The following ADAP2 variants were observed in gnomAD, a reference collection of about 807,000 sequenced individuals.
ADAP2 encodes the protein arf-GAP with dual PH domain-containing protein 2.
Under a neutral mutation model 54.9 loss-of-function variants are expected in ADAP2, and 42 were observed. The ratio of observed to expected loss-of-function variants is 0.77; its 90% CI spans 0.60 to 0.99. The LOEUF (loss-of-function observed/expected upper bound fraction) is 0.99, where lower values mean the gene tolerates loss of function less well. ADAP2 is among the 50% of genes least tolerant of loss of function. ADAP2 has a pLI of 0.00. For missense variants in ADAP2, 429 were observed against 480.4 expected (o/e 0.89, Z 1.00); for synonymous variants, 177 against 180.1 (o/e 0.98, Z 0.14).
chr17:30,956,075 G>C (rs537590450), intron 9 of ADAP2, among the ~76,000 whole-genome samples, 166 bp from the exon 10 acceptor site: 1 of 152,220 alleles, frequency 6.6e-6, no homozygotes, highest in East Asian at 1.9e-4. Context: ...TGATGTGTAT[G>C]ATTTATTTTA....
chr17:30,923,542 G>A (rs1472982958), intron 2 of ADAP2, among the ~76,000 whole-genome samples: 1 of 151,502 alleles, frequency 6.6e-6, no homozygotes, highest in Non-Finnish European at 1.5e-5. Context: ...GGGATTACAG[G>A]CCTGAACCAT....
In ADAP2 at chr17:30,956,388, C is replaced by T. The variant is rs1598060977; in HGVS notation, c.1030C>T (p.Pro344Ser). ...TPERRFVLTC[P>S]SEKEQQEWLE... Reference sequence around the variant, plus strand: ...AGAGCGGAGATTTGTCCTCACTTGCCCCAGTGAGAAGGAACAGCAGGAATG... The same window carrying T: ...AGAGCGGAGATTTGTCCTCACTTGCTCCAGTGAGAAGGAACAGCAGGAATG... The change falls in exon 10 of 11, where the codon CCC (proline) becomes TCC (serine). Residue 344 changes from proline to serine, a missense_variant. Transcript: ENST00000330889. 1.2e-6 allele frequency: 2 copies of T among 1,614,194 alleles called. No homozygotes were observed. The highest frequency in any genetic ancestry group is 2.2e-5 in the East Asian group (1 of 44,880).
intron 3 of ADAP2, among the ~76,000 whole-genome samples, chr17:30,931,188 A>G (rs988973002): frequency 3.3e-5 from 5 of 151,390 alleles, no homozygotes; most frequent in African/African-American, 1.2e-4. Context: ...GGTCCAGAGG[A>G]GCCAGTATCT....
chr17:30,931,210 C>T (rs538610145), intron 3 of ADAP2, among the ~76,000 whole-genome samples: 84 of 152,166 alleles, frequency 5.5e-4, no homozygotes, highest in African/African-American at 2.0e-3. Context: ...TCTCATTGAC[C>T]TAGAGAGCTG....
intron 5 of ADAP2, among the ~76,000 whole-genome samples, chr17:30,942,126 G>A (rs1024721295): frequency 1.3e-5 from 2 of 152,040 alleles, no homozygotes; most frequent in African/African-American, 2.4e-5. Flanking sequence ...GGATGGTCTC[G>A]ATCTCTCAAC....
intron 6 of ADAP2, among the ~76,000 whole-genome samples, chr17:30,948,378 C>T (rs1039143141): frequency 8.7e-5 from 13 of 150,126 alleles, no homozygotes; most frequent in Middle Eastern, 3.2e-3. Flanking sequence ...TCCTGGCTAA[C>T]GTGGTGAAAC....
intron 5 of ADAP2, among the ~76,000 whole-genome samples, chr17:30,939,750 G>A (rs1202570166): frequency 3.2e-5 from 4 of 124,012 alleles, no homozygotes; most frequent in Admixed American, 9.1e-5. Context: ...CAGCCTGGGC[G>A]AAAGAGCAAA....
chr17:30,924,039 A>T (rs1414593369), intron 2 of ADAP2, among the ~76,000 whole-genome samples: 1 of 151,966 alleles, frequency 6.6e-6, no homozygotes, highest in Non-Finnish European at 1.5e-5. Flanking sequence ...TGTGAAGATG[A>T]TTGTAGGCTC....
At chr17:30,925,252 C>T (rs1236029671) in intron 2 of ADAP2, among the ~76,000 whole-genome samples, 18 of 147,284 alleles carry the variant, frequency 1.2e-4, no homozygotes, top group Non-Finnish European at 2.4e-4. Context: ...GTGAGTGGCA[C>T]GATCTCGGCT....
At chr17:30,924,859 C>G (rs150611294) in intron 2 of ADAP2, among the ~76,000 whole-genome samples, 8 of 149,314 alleles carry the variant, frequency 5.4e-5, no homozygotes, top group African/African-American at 1.8e-4. Context: ...GTTATATTTT[C>G]TTTTTTGTTT....
intron 6 of ADAP2, 143 bp downstream of exon 6, chr17:30,945,196 T>A: frequency 1.0e-6 from 1 of 974,130 alleles, no homozygotes; most frequent in Non-Finnish European, 1.5e-6. Flanking sequence ...AATCTATCAT[T>A]GCCTCCCAGT....
chr17:30,924,055 A>C (rs559765443), intron 2 of ADAP2, among the ~76,000 whole-genome samples: 73 of 152,254 alleles, frequency 4.8e-4, no homozygotes, highest in Middle Eastern at 3.4e-3. Context: ...GGCTCAGTCC[A>C]GACACAAAGA....
At position 30,953,279 on chromosome 17, in the gene ADAP2, C is replaced by T; in HGVS notation, c.742-9C>T. On this transcript the variant is annotated splice_polypyrimidine_tract_variant and intron_variant, in intron 7 of 10. Coordinates refer to ENST00000330889, the MANE Select transcript of ADAP2 (RefSeq NM_018404.3). ...GAGTTGGGGGTCAGTGTCTGTCTCTCTTCCCCAGCTCGTGCCATTCCTCAC... is the reference window on the plus strand; with the variant it reads ...GAGTTGGGGGTCAGTGTCTGTCTCTTTTCCCCAGCTCGTGCCATTCCTCAC... The T allele has an allele frequency of 1.2e-6, 2 of 1,614,052 alleles. No individual in the cohort carries two copies. The highest frequency in any genetic ancestry group is 1.7e-5 in the Admixed American group (1 of 60,002).
chr17:30,949,454 G>A (rs1451536902), intron 7 of ADAP2, 84 bp downstream of exon 7: 15 of 1,334,934 alleles, frequency 1.1e-5, no homozygotes, highest in Non-Finnish European at 1.5e-5. Context: ...AAGACACTCA[G>A]AAGCCAGACT....
At chr17:30,945,111 T>G (rs987587161) in intron 6 of ADAP2, 58 bp downstream of exon 6, 10 of 1,586,338 alleles carry the variant, frequency 6.3e-6, no homozygotes, top group African/African-American at 1.3e-5. Context: ...ACTTGGCAGG[T>G]GCAGCTCACC....
chr17:30,922,951 G>T lies in ADAP2; in HGVS notation c.106G>T (p.Ala36Ser), dbSNP rs150091453. The T allele has an allele frequency of 1.2e-6, 2 of 1,613,764 alleles. No individual in the cohort carries two copies. Among genetic ancestry groups the T allele is most frequent in the East Asian group, 4.5e-5 (2 of 44,860 alleles). ...CTCATCCCCTGCAGATCCCGACTGGGCCTCTTACAAGCTGGGGATCTTCAT... is the reference window on the plus strand; with the variant it reads ...CTCATCCCCTGCAGATCCCGACTGGTCCTCTTACAAGCTGGGGATCTTCAT... Reference protein sequence around the residue: ...ADCGAADPDWASYKLGIFICL... With the variant: ...ADCGAADPDWSSYKLGIFICL... The change falls in exon 2 of 11, where the codon GCC (alanine) becomes TCC (serine). Residue 36 changes from alanine to serine, a missense_variant. By Grantham distance (99) the Ala-to-Ser change is moderately conservative (BLOSUM62 1). Transcript: ENST00000330889.
At chr17:30,941,583 C>T (rs572582765) in intron 5 of ADAP2, among the ~76,000 whole-genome samples, 1 of 152,202 alleles carries the variant, frequency 6.6e-6, no homozygotes, top group Non-Finnish European at 1.5e-5. Context: ...CCCACTCAGA[C>T]ATGTTATAAC....
chr17:30,934,239 G>C lies in ADAP2; in HGVS notation c.452G>C (p.Arg151Thr). ...KRGRDNSQFL[R>T]RKFVLLAREG... Reference sequence around the variant, plus strand: ...GGAAGGGACAACTCACAGTTTCTGAGAAGGAAGTTTGTACTTCTGGCAAGA... The same window carrying C: ...GGAAGGGACAACTCACAGTTTCTGACAAGGAAGTTTGTACTTCTGGCAAGA... The change falls in exon 5 of 11, where the codon AGA becomes ACA. Residue 151 changes from arginine (R) to threonine (T), a missense_variant. Physicochemically the swap from Arg to Thr is moderately conservative, Grantham distance 71 (BLOSUM62 -1). Transcript: ENST00000330889. 2 of 1,614,174 alleles carry C rather than the reference G, an allele frequency of 1.2e-6. No individual in the cohort carries two copies. The highest frequency in any genetic ancestry group is 1.7e-6 in the Non-Finnish European group (2 of 1,180,016).
intron 5 of ADAP2, among the ~76,000 whole-genome samples, chr17:30,938,207 G>GAGTA (rs1242549347): frequency 6.6e-6 from 1 of 152,210 alleles, no homozygotes; most frequent in Non-Finnish European, 1.5e-5. Flanking sequence ...ACTCCATGTG[G>GAGTA]CATCAGCTGG....
Sources: allele counts gnomAD v4.1 joint callset (sites outside exome capture counted in the v4.1 genomes callset), GRCh38; gene constraint gnomAD v4.1.1; transcripts MANE v1.5; gene names NCBI Gene and HGNC (gene_info 2026-07-23, HGNC 2026-07-21).